The following DLGAP1 variants were observed in gnomAD, a reference collection of about 807,000 sequenced individuals.
DLGAP1 encodes disks large-associated protein 1.
In DLGAP1, 11 loss-of-function variants were observed where a neutral mutation model predicts 90.8. That is an observed-to-expected ratio of 0.12 (90% CI 0.08 to 0.20). The LOEUF is 0.20. Ranked by LOEUF, DLGAP1 falls within the 10% of genes least tolerant of loss-of-function variation. The pLI is 1.00. For synonymous variants in DLGAP1, 558 were observed against 540.7 expected (o/e 1.03, Z -0.44); for missense variants, 1,050 against 1,333.8 (o/e 0.79, Z 3.31).
intron 3 of DLGAP1, among the ~76,000 whole-genome samples, chr18:3,895,085 T>C (rs1402749279): frequency 6.6e-6 from 1 of 152,214 alleles, no homozygotes; most frequent in African/African-American, 2.4e-5. Context: ...AACAAAACTG[T>C]GTGCTTAACA....
intron 8 of DLGAP1, among the ~76,000 whole-genome samples, chr18:3,571,021 C>T (rs2054750182): frequency 2.6e-5 from 4 of 151,434 alleles, no homozygotes; most frequent in African/African-American, 9.7e-5. Context: ...TAAACTTTAA[C>T]ATCAAATTGT....
chr18:3,751,598 A>G (rs372942225), intron 5 of DLGAP1, among the ~76,000 whole-genome samples: 1 of 138,200 alleles, frequency 7.2e-6, no homozygotes, highest in Admixed American at 7.4e-5. Flanking sequence ...TCACTCTGTC[A>G]CCCAGGCTGG....
At chr18:3,961,479 A>C (rs775295004) in intron 3 of DLGAP1, among the ~76,000 whole-genome samples, 2 of 152,104 alleles carry the variant, frequency 1.3e-5, no homozygotes, top group Non-Finnish European at 2.9e-5. Flanking sequence ...TTAGGACGGG[A>C]ATACAAATGA....
intron 12 of DLGAP1, among the ~76,000 whole-genome samples, chr18:3,500,171 G>T (rs1040026128): frequency 1.3e-5 from 2 of 152,112 alleles, no homozygotes; most frequent in African/African-American, 4.8e-5. Flanking sequence ...AGTTGACACA[G>T]GATGAAAGAG....
At chr18:3,862,731 C>G (rs1002095876) in intron 4 of DLGAP1, among the ~76,000 whole-genome samples, 1 of 152,226 alleles carries the variant, frequency 6.6e-6, no homozygotes, top group African/African-American at 2.4e-5. Flanking sequence ...TTATTGAAAG[C>G]TAGGTATGTT....
chr18:4,284,217 AAATC>A (rs1369005617), intron 1 of DLGAP1, among the ~76,000 whole-genome samples: 7 of 151,358 alleles, frequency 4.6e-5, no homozygotes, highest in Non-Finnish European at 7.4e-5. Context: ...AAAAAAAAAA[AAATC>A]AAGTGTGGCC....
intron 1 of DLGAP1, among the ~76,000 whole-genome samples, chr18:4,375,217 T>G (rs574852029): frequency 6.6e-6 from 1 of 152,232 alleles, no homozygotes; most frequent in African/African-American, 2.4e-5. Flanking sequence ...TCCAAATGTG[T>G]TTTTCAGTGA....
rs768227902 is a variant in DLGAP1, at chr18:3,729,346, G to A, written c.1380C>T (p.Phe460=). The A allele has an allele frequency of 1.2e-6, 2 of 1,613,722 alleles. No individual in the cohort carries two copies. Among genetic ancestry groups the A allele is most frequent in the South Asian group, 1.1e-5 (1 of 91,052 alleles). The change falls in exon 7 of 13, where the codon TTC becomes TTT. Residue 460 remains phenylalanine (F), a synonymous_variant. Coordinates refer to ENST00000315677, the MANE Select transcript of DLGAP1 (RefSeq NM_004746.4). This position sits in a 1 kb window ranked among gnomAD's most constrained non-coding sequence, Gnocchi z 6.2. The stretch of plus-strand genomic sequence containing the variant: ...TGAACACGGACTCGCACACGGACTC[G>A]AACTGCCCGTTCACTTCCATCTCGC... ...QVSEMEVNGQ[F]ESVCESVFSE...
intron 1 of DLGAP1, among the ~76,000 whole-genome samples, chr18:4,282,200 TAAAAATACAA>T (rs1473028444): frequency 6.6e-6 from 1 of 151,730 alleles, no homozygotes; most frequent in African/African-American, 2.4e-5. Flanking sequence ...CCGTCTCTAC[TAAAAATACAA>T]AAAATTAGCC....
chr18:4,089,968 C>A (rs529457864), intron 2 of DLGAP1, among the ~76,000 whole-genome samples: 211 of 152,234 alleles, frequency 1.4e-3, no homozygotes, highest in Admixed American at 3.1e-3. Flanking sequence ...TGGCGTGAAC[C>A]CGGGAGGCGG....
chr18:3,566,552 A>T (rs2145109947), intron 9 of DLGAP1, among the ~76,000 whole-genome samples: 1 of 152,184 alleles, frequency 6.6e-6, no homozygotes, highest in South Asian at 2.1e-4. Context: ...TCCTTTTCAG[A>T]TTTTCAGTTT....
chr18:4,115,383 G>C (rs776629760), intron 2 of DLGAP1, among the ~76,000 whole-genome samples: 2 of 151,088 alleles, frequency 1.3e-5, no homozygotes, highest in Admixed American at 6.6e-5. Context: ...GAGGAAGTAC[G>C]TATTTATATA....
At chr18:3,667,017 C>T (rs548511027) in intron 7 of DLGAP1, among the ~76,000 whole-genome samples, 1 of 152,006 alleles carries the variant, frequency 6.6e-6, no homozygotes, top group East Asian at 1.9e-4. Context: ...GATCCTCCTG[C>T]TTTGGCTTCC....
chr18:4,211,032 A>T (rs140760534), intron 1 of DLGAP1, among the ~76,000 whole-genome samples: 1 of 152,212 alleles, frequency 6.6e-6, no homozygotes, highest in Non-Finnish European at 1.5e-5. Context: ...AAAGAGAACA[A>T]TGTAGCTTTA....
rs1599480943 is a variant in DLGAP1 at position 3,602,516 on chromosome 18, A to C, written c.1592-20268T>G. Among the ~76,000 whole-genome samples, 5 of 145,586 alleles carry C rather than the reference A, an allele frequency of 3.4e-5. No individual in the cohort carries two copies. In the Admixed American group the frequency reaches 3.6e-4, roughly 10 times the overall value. ...AGGCTGAGGCAGGAGAATGGCGTGA[A>C]CCCGGGAGGCGGAGCTTGCAGGGAG... On this transcript the variant is annotated intron_variant, in intron 7 of 12. Coordinates refer to ENST00000315677, the MANE Select transcript of DLGAP1 (RefSeq NM_004746.4).
At chr18:4,410,090 T>C (rs1386674953) in intron 1 of DLGAP1, among the ~76,000 whole-genome samples, 1 of 152,142 alleles carries the variant, frequency 6.6e-6, no homozygotes, top group African/African-American at 2.4e-5. Flanking sequence ...CTCACTGATA[T>C]GTGGGAGGTA....
intron 4 of DLGAP1, among the ~76,000 whole-genome samples, chr18:3,852,493 A>T (rs1253435371): frequency 6.6e-6 from 1 of 152,342 alleles, no homozygotes; most frequent in East Asian, 1.9e-4. Flanking sequence ...GATTTGGGTA[A>T]CACTGTTTCC....
At chr18:3,796,589 C>T (rs553700376) in intron 5 of DLGAP1, among the ~76,000 whole-genome samples, 2 of 152,186 alleles carry the variant, frequency 1.3e-5, no homozygotes, top group East Asian at 1.9e-4. Flanking sequence ...AGTGACAGCC[C>T]AGGAGGAAGC....
intron 3 of DLGAP1, among the ~76,000 whole-genome samples, chr18:3,918,966 G>C (rs1440875667): frequency 2.0e-5 from 3 of 152,208 alleles, no homozygotes; most frequent in African/African-American, 4.8e-5. Context: ...GGCTTCTCAA[G>C]AGATACACAC....
Sources: allele counts gnomAD v4.1 joint callset (sites outside exome capture counted in the v4.1 genomes callset), GRCh38; gene constraint gnomAD v4.1.1; non-coding constraint Gnocchi (gnomAD v3.1); transcripts MANE v1.5; gene names NCBI Gene and HGNC (gene_info 2026-07-23, HGNC 2026-07-21).